The following CDH6 variants were observed in gnomAD, a reference collection of about 807,000 sequenced individuals.
CDH6 encodes cadherin-6.
CDH6 carries 31 observed loss-of-function variants against 78.0 expected under a neutral mutation model. That is an observed-to-expected ratio of 0.40 (90% CI 0.30 to 0.54). CDH6 has a LOEUF of 0.54. CDH6 is among the 20% of genes least tolerant of loss of function. The probability of loss-of-function intolerance (pLI) is 0.56; values close to 1 mark genes in which losing one functional copy is unlikely to be tolerated. For synonymous variants in CDH6, 376 were observed against 368.8 expected (o/e 1.02, Z -0.23); for missense variants, 724 against 975.9 (o/e 0.74, Z 3.44).
At chr5:31,288,740 T>A (rs1743074836) in intron 2 of CDH6, among the ~76,000 whole-genome samples, 1 of 152,258 alleles carries the variant, frequency 6.6e-6, no homozygotes, top group Non-Finnish European at 1.5e-5. Flanking sequence ...AACACCACTG[T>A]TCTCTAATTG....
chr5:31,265,781 T>TG (rs1742329434), intron 1 of CDH6, among the ~76,000 whole-genome samples: 2 of 138,852 alleles, frequency 1.4e-5, no homozygotes, highest in East Asian at 2.1e-4. Context: ...TTTTTTTTTT[T>TG]TTTTTTTTTT....
intron 2 of CDH6, among the ~76,000 whole-genome samples, chr5:31,274,680 C>T (rs370709266): frequency 6.6e-6 from 1 of 152,116 alleles, no homozygotes; most frequent in Non-Finnish European, 1.5e-5. Flanking sequence ...ATTAGACGGG[C>T]GTGGTAGCGC....
At position 31,196,248 on chromosome 5, in the gene CDH6, A is replaced by T. The variant is rs193023124; in HGVS notation, c.-129+2362A>T. 6.6e-5 allele frequency among the ~76,000 whole-genome samples: 10 copies of T among 152,318 alleles called. No individual in the cohort carries two copies. The East Asian group carries it at 1.7e-3, about 26-fold the overall frequency. The stretch of plus-strand genomic sequence containing the variant: ...TACCTTGCAAAATACTGCTCGAGAC[A>T]CTTGAAAACAGCTAAAAATTTTCTA... On this transcript the variant is annotated intron_variant, in intron 1 of 11. Coordinates refer to ENST00000265071, the MANE Select transcript of CDH6 (RefSeq NM_004932.4).
intron 2 of CDH6, among the ~76,000 whole-genome samples, chr5:31,288,532 T>A (rs1743070306): frequency 6.6e-6 from 1 of 152,192 alleles, no homozygotes; most frequent in South Asian, 2.1e-4. Context: ...TACGTATACA[T>A]GCATTATATA....
intron 1 of CDH6, among the ~76,000 whole-genome samples, chr5:31,246,906 T>C (rs1741764150): frequency 1.3e-5 from 2 of 152,244 alleles, no homozygotes; most frequent in South Asian, 2.1e-4. Flanking sequence ...GGTGCCACTA[T>C]GCTTGGCTAA....
intron 1 of CDH6, among the ~76,000 whole-genome samples, chr5:31,219,650 A>G (rs972919055): frequency 6.6e-6 from 1 of 152,008 alleles, no homozygotes; most frequent in Non-Finnish European, 1.5e-5. Flanking sequence ...ACTTCTATTC[A>G]TTTGTTTATT....
intron 1 of CDH6, among the ~76,000 whole-genome samples, chr5:31,263,441 C>CTTTT (rs35835971): frequency 5.8e-5 from 6 of 103,678 alleles, no homozygotes; most frequent in Admixed American, 1.1e-4. Context: ...TTTTTGGGGT[C>CTTTT]TTTTTTTTTT....
intron 1 of CDH6, among the ~76,000 whole-genome samples, chr5:31,257,601 G>C (rs1294779510): frequency 6.6e-6 from 1 of 152,178 alleles, no homozygotes; most frequent in Non-Finnish European, 1.5e-5. Flanking sequence ...GCCAGGCACT[G>C]TTCTTGGCAC....
chr5:31,302,730 AGAAG>A (rs1296800285), intron 6 of CDH6, among the ~76,000 whole-genome samples: 11 of 137,816 alleles, frequency 8.0e-5, no homozygotes, highest in African/African-American at 2.8e-4. Context: ...AAAAGAAGAA[AGAAG>A]GAAGGAAGGA....
At chr5:31,226,998 C>G (rs1741170174) in intron 1 of CDH6, among the ~76,000 whole-genome samples, 1 of 152,118 alleles carries the variant, frequency 6.6e-6, no homozygotes, top group Non-Finnish European at 1.5e-5. Context: ...AAGGGCAAAG[C>G]CTGAAAATGA....
intron 2 of CDH6, among the ~76,000 whole-genome samples, chr5:31,271,100 C>T (rs1382874919): frequency 6.6e-6 from 1 of 152,108 alleles, no homozygotes; most frequent in Non-Finnish European, 1.5e-5. Context: ...GAAGCATTAA[C>T]TGAGGAAAAG....
At chr5:31,208,275 G>A (rs946548706) in intron 1 of CDH6, among the ~76,000 whole-genome samples, 5 of 152,176 alleles carry the variant, frequency 3.3e-5, no homozygotes, top group Admixed American at 3.3e-4. Flanking sequence ...GCCGCAAGGG[G>A]TTTTATGCCC....
chr5:31,246,511 T>G (rs1232027445), intron 1 of CDH6, among the ~76,000 whole-genome samples: 1 of 152,188 alleles, frequency 6.6e-6, no homozygotes, highest in Admixed American at 6.5e-5. Context: ...CAGACGTCTA[T>G]GTTATCTGGT....
intron 1 of CDH6, among the ~76,000 whole-genome samples, chr5:31,205,078 T>C (rs916945509): frequency 1.3e-5 from 2 of 152,176 alleles, no homozygotes; most frequent in African/African-American, 4.8e-5. Flanking sequence ...CTTTAAAATA[T>C]CACTTTGCCA....
intron 1 of CDH6, among the ~76,000 whole-genome samples, chr5:31,228,989 A>G (rs1741240101): frequency 6.6e-6 from 1 of 152,216 alleles, no homozygotes; most frequent in African/African-American, 2.4e-5. Flanking sequence ...ACCTTATATA[A>G]TGATAGACTC....
rs762869633 is a variant in CDH6 at position 31,316,301 on chromosome 5, T to C, written c.1484T>C (p.Phe495Ser). ...APEFAEFYET[F>S]VCEKAKADQL... ...GAATTTGCTGAGTTCTATGAAACTT[T>C]TGTCTGTGAAAAAGCAAAGGCAGAT... Residue 495 changes from phenylalanine to serine, a missense_variant, in exon 9 of 12, where the codon TTT becomes TCT. Physicochemically the swap from Phe to Ser is radical, Grantham distance 155. This residue lies in a region of CDH6 where 446 missense variants were observed against 684.5 expected (regional missense o/e 0.65). Transcript: ENST00000265071. The C allele has an allele frequency of 3.1e-6, 5 of 1,613,354 alleles. No homozygotes were observed. Among genetic ancestry groups the C allele is most frequent in the South Asian group, 1.1e-5 (1 of 90,894 alleles).
intron 8 of CDH6, among the ~76,000 whole-genome samples, chr5:31,313,754 A>G (rs1361948714): frequency 6.6e-6 from 1 of 151,950 alleles, no homozygotes; most frequent in Non-Finnish European, 1.5e-5. Context: ...AAATTAGAAC[A>G]TTACATAAAC....
At chr5:31,245,390 C>G (rs912584385) in intron 1 of CDH6, among the ~76,000 whole-genome samples, 1 of 152,134 alleles carries the variant, frequency 6.6e-6, no homozygotes, top group Non-Finnish European at 1.5e-5. Flanking sequence ...TTCTTTCTCT[C>G]TCTTTCCCTT....
At position 31,267,705 on chromosome 5, in the gene CDH6, G is replaced by A. The variant is rs780427917; in HGVS notation, c.228+4G>A. On this transcript the variant is annotated splice_donor_region_variant and intron_variant, in intron 2 of 11. Coordinates refer to ENST00000265071, the MANE Select transcript of CDH6 (RefSeq NM_004932.4). ...CGATTATCAGTATGTGGGCAAGGTA[G>A]GATTCCTTTGAGTGCTTTGACATTC... 1.1e-5 allele frequency: 18 copies of A among 1,606,546 alleles called. No homozygotes were observed. Among genetic ancestry groups the A allele is most frequent in the Admixed American group, 5.0e-5 (3 of 59,978 alleles).
Sources: gnomAD v4.1 joint callset for allele counts (sites outside exome capture counted in the v4.1 genomes callset) on GRCh38, gnomAD v4.1.1 for gene constraint, gnomAD v4.1.1 regional missense constraint, MANE v1.5 for transcripts, NCBI Gene and HGNC (gene_info 2026-07-23, HGNC 2026-07-21) for gene names.